DLGAP4: variants seen among roughly 807,000 people sequenced by gnomAD.
DLGAP4 encodes disks large-associated protein 4.
A neutral mutation model predicts 86.9 loss-of-function variants in DLGAP4; 18 were observed. The ratio of observed to expected loss-of-function variants is 0.21; its 90% CI spans 0.14 to 0.31. DLGAP4 has a LOEUF of 0.31. DLGAP4 is among the 10% of genes least tolerant of loss of function. DLGAP4 has a pLI of 1.00. For synonymous variants in DLGAP4, 548 were observed against 574.3 expected, an observed-to-expected ratio of 0.95 and a Z score of 0.65; for missense variants, 1,085 against 1,362.6, an observed-to-expected ratio of 0.80 and a Z score of 3.21.
chr20:36,520,711 CTTT>C (rs897704873), intron 10 of DLGAP4, among the ~76,000 whole-genome samples: 1 of 151,636 alleles, frequency 6.6e-6, no homozygotes, highest in Non-Finnish European at 1.5e-5. Flanking sequence ...AGTTTATCTG[CTTT>C]TTTTTCCCTT....
rs1335056098 is a variant in DLGAP4 at position 36,393,433 on chromosome 20, C to T, written c.-73+26158C>T. On this transcript the variant is annotated intron_variant, in intron 2 of 12. Coordinates refer to ENST00000339266, the MANE Select transcript of DLGAP4 (RefSeq NM_001365621.2). This position sits in a 1 kb window ranked among gnomAD's most constrained non-coding sequence, Gnocchi z 4.4. ...TTAATCCCTGTCCCCCGGCTGCTAACTTACGAAGTGCTGGGCTCCTGGGAG... is the reference window on the plus strand; with the variant it reads ...TTAATCCCTGTCCCCCGGCTGCTAATTTACGAAGTGCTGGGCTCCTGGGAG... Among the ~76,000 whole-genome samples, 1 of 152,156 alleles carries T rather than the reference C, an allele frequency of 6.6e-6. No individual in the cohort carries two copies. The highest frequency in any genetic ancestry group is 1.5e-5 in the Non-Finnish European group (1 of 68,020).
chr20:36,375,770 T>C (rs979479701), intron 2 of DLGAP4, among the ~76,000 whole-genome samples: 5 of 151,130 alleles, frequency 3.3e-5, no homozygotes, highest in East Asian at 1.9e-4. Context: ...CAGGAGGGAG[T>C]GAGGGATGGT....
intron 7 of DLGAP4, among the ~76,000 whole-genome samples, chr20:36,485,902 G>A (rs1449559632): frequency 6.6e-6 from 1 of 152,128 alleles, no homozygotes; most frequent in Non-Finnish European, 1.5e-5. Flanking sequence ...CGTGCCGAGG[G>A]TTTGTTGCAC....
intron 10 of DLGAP4, among the ~76,000 whole-genome samples, chr20:36,509,025 G>C (rs1220184654): frequency 3.3e-5 from 5 of 152,154 alleles, no homozygotes; most frequent in South Asian, 2.1e-4. Context: ...ACATTTACTT[G>C]GTTACTAGAG....
At chr20:36,397,093 G>A (rs2032022668) in intron 2 of DLGAP4, among the ~76,000 whole-genome samples, 1 of 152,194 alleles carries the variant, frequency 6.6e-6, no homozygotes, top group Non-Finnish European at 1.5e-5. Flanking sequence ...CAGTGGGGAA[G>A]AAGGTCCCTA....
intron 2 of DLGAP4, among the ~76,000 whole-genome samples, chr20:36,418,403 G>A (rs144564873): frequency 0.014 from 2,089 of 152,282 alleles, 47 homozygotes; most frequent in African/African-American, 0.048. Flanking sequence ...GTGAGCCACC[G>A]TGCCTGGCCC....
chr20:36,452,222 A>T (rs2147591679), intron 7 of DLGAP4, among the ~76,000 whole-genome samples: 1 of 152,202 alleles, frequency 6.6e-6, no homozygotes, highest in Non-Finnish European at 1.5e-5. Flanking sequence ...TGTGTCACCC[A>T]GGCATGGGTG....
chr20:36,325,170 A>G (rs2065204367), intron 1 of DLGAP4, among the ~76,000 whole-genome samples: 1 of 152,092 alleles, frequency 6.6e-6, no homozygotes, highest in South Asian at 2.1e-4. Flanking sequence ...ATTTTTATTC[A>G]GTTCATAGTA....
intron 10 of DLGAP4, among the ~76,000 whole-genome samples, chr20:36,516,380 G>A (rs2037036748): frequency 6.6e-6 from 1 of 152,140 alleles, no homozygotes; most frequent in South Asian, 2.1e-4. Context: ...TAATGTGACA[G>A]TACTGGCTGG....
In DLGAP4 at chr20:36,471,806, A is replaced by T. The variant is rs1037726630; in HGVS notation, c.1648+24869A>T. Among the ~76,000 whole-genome samples, 3 of 152,158 alleles carry T rather than the reference A, an allele frequency of 2.0e-5. No individual in the cohort carries two copies. In the South Asian group the frequency reaches 6.2e-4, roughly 31 times the overall value. Reference sequence around the variant, plus strand: ...TGGCCAGGTCAGCCCTCAGGCTGGAAATTTTAGGGCAGCTATTGGTAGGTG... The same window carrying T: ...TGGCCAGGTCAGCCCTCAGGCTGGATATTTTAGGGCAGCTATTGGTAGGTG... On this transcript the variant is annotated intron_variant, in intron 7 of 12. Coordinates refer to ENST00000339266, the MANE Select transcript of DLGAP4 (RefSeq NM_001365621.2).
At chr20:36,461,027 A>C (rs1249790834) in intron 7 of DLGAP4, among the ~76,000 whole-genome samples, 22 of 152,212 alleles carry the variant, frequency 1.4e-4, no homozygotes, top group Admixed American at 1.4e-3. Flanking sequence ...CTGACTATGC[A>C]GGGGTGAGAG....
At chr20:36,348,414 CT>C (rs2030016736) in intron 1 of DLGAP4, among the ~76,000 whole-genome samples, 1 of 151,834 alleles carries the variant, frequency 6.6e-6, no homozygotes, top group Non-Finnish European at 1.5e-5. Flanking sequence ...GCAGAGCTTA[CT>C]TTCTTTTTTT....
intron 10 of DLGAP4, among the ~76,000 whole-genome samples, chr20:36,519,596 T>C: frequency 6.6e-6 from 1 of 152,226 alleles, no homozygotes; most frequent in Admixed American, 6.6e-5. Context: ...TCAATTCTTT[T>C]GGGTTTATAC....
chr20:36,331,091 G>GT lies in DLGAP4; in HGVS notation c.-304+24580dup, dbSNP rs1206492712. On this transcript the variant is annotated intron_variant, in intron 1 of 12. Transcript: ENST00000339266. ...GACAGCTCATCCCCCCTGGGGGCCT[G>GT]TGGGGGGAGGCCACCCCATTTCCCT... is the stretch of plus-strand genomic sequence containing the variant. Among the ~76,000 whole-genome samples the GT allele has an allele frequency of 2.0e-5, 3 of 152,318 alleles. No homozygotes were observed. The East Asian group carries it at 5.8e-4, about 29-fold the overall frequency.
chr20:36,418,314 T>C (rs1291146166), intron 2 of DLGAP4, among the ~76,000 whole-genome samples: 5 of 151,578 alleles, frequency 3.3e-5, no homozygotes, highest in African/African-American at 9.7e-5. Context: ...AGTTTCACCA[T>C]GTTGGCCAGG....
At chr20:36,366,567 G>A (rs111274852) in intron 1 of DLGAP4, among the ~76,000 whole-genome samples, 8 of 152,316 alleles carry the variant, frequency 5.3e-5, no homozygotes, top group African/African-American at 1.9e-4. Context: ...CTTCAGAGAA[G>A]GCACTCTTGT....
intron 7 of DLGAP4, among the ~76,000 whole-genome samples, chr20:36,467,020 CTCTCTCTCTCT>C (rs2034416842): frequency 2.3e-4 from 2 of 8,798 alleles, no homozygotes; most frequent in Non-Finnish European, 9.8e-4. Context: ...TCTCTCTCCT[CTCTCTCTCTCT>C]CTCTCTCTCT....
intron 1 of DLGAP4, among the ~76,000 whole-genome samples, chr20:36,347,061 C>A (rs1273373747): frequency 6.6e-6 from 1 of 152,216 alleles, no homozygotes; most frequent in African/African-American, 2.4e-5. Context: ...TTTGCCTGTG[C>A]TACTCCCTGT....
chr20:36,497,177 C>T (rs2035924726), intron 8 of DLGAP4, 111 bp downstream of exon 8: 3 of 1,487,570 alleles, frequency 2.0e-6, no homozygotes, highest in African/African-American at 2.8e-5. Flanking sequence ...TGGTTTGTCT[C>T]TCTATTTTGG....
Sources: allele counts gnomAD v4.1 joint callset (sites outside exome capture counted in the v4.1 genomes callset), GRCh38; gene constraint gnomAD v4.1.1; non-coding constraint Gnocchi (gnomAD v3.1); transcripts MANE v1.5; gene names NCBI Gene and HGNC (gene_info 2026-07-23, HGNC 2026-07-21).